CNBD1: variants seen among roughly 807,000 people sequenced by gnomAD.
The protein encoded by CNBD1 is cyclic nucleotide-binding domain-containing protein 1.
In CNBD1, 71 loss-of-function variants were observed where a neutral mutation model predicts 54.4. The observed-to-expected ratio is 1.30, with a 90% confidence interval of 1.08 to 1.59. The LOEUF is 1.59. Ranked by LOEUF, CNBD1 falls within the 40% of genes most tolerant of loss-of-function variation. The probability of loss-of-function intolerance (pLI) is 0.00; values close to 1 mark genes in which losing one functional copy is unlikely to be tolerated. For missense variants in CNBD1, 659 were observed against 518.0 expected, an observed-to-expected ratio of 1.27 and a Z score of -2.64; for synonymous variants, 182 against 170.7, an observed-to-expected ratio of 1.07 and a Z score of -0.51.
chr8:86,984,415 A>G (rs1339656528), intron 4 of CNBD1, among the ~76,000 whole-genome samples: 1 of 152,122 alleles, frequency 6.6e-6, no homozygotes, highest in Non-Finnish European at 1.5e-5. Context: ...AATCTAGTGG[A>G]GCTGTGAGAA....
intron 2 of CNBD1, among the ~76,000 whole-genome samples, chr8:87,422,803 C>T (rs904839219): frequency 3.3e-5 from 5 of 152,142 alleles, no homozygotes; most frequent in African/African-American, 9.7e-5. Context: ...TTTCCCAATT[C>T]TGTGAAGAAA....
intron 4 of CNBD1, among the ~76,000 whole-genome samples, chr8:87,107,451 C>T (rs759788852): frequency 1.3e-4 from 20 of 152,274 alleles, no homozygotes; most frequent in Non-Finnish European, 2.5e-4. Context: ...TTAAATAAGA[C>T]GTCCTCAGAG....
chr8:87,349,127 T>C (rs894546282), intron 8 of CNBD1, among the ~76,000 whole-genome samples: 12 of 152,182 alleles, frequency 7.9e-5, no homozygotes, highest in Non-Finnish European at 1.6e-4. Context: ...TGATTAAGTC[T>C]TTTCATTTAA....
chr8:87,093,823 T>C (rs979909043), intron 4 of CNBD1, among the ~76,000 whole-genome samples: 1 of 152,166 alleles, frequency 6.6e-6, no homozygotes, highest in African/African-American at 2.4e-5. Context: ...TATGTCTCAG[T>C]TTGAATGTAG....
At chr8:87,268,500 T>C (rs1808305487) in intron 6 of CNBD1, among the ~76,000 whole-genome samples, 1 of 152,116 alleles carries the variant, frequency 6.6e-6, no homozygotes, top group African/African-American at 2.4e-5. Context: ...ATAGTGGTTC[T>C]GTTTTAAGTT....
At chr8:87,364,170 T>G (rs1188794385) in intron 10 of CNBD1, among the ~76,000 whole-genome samples, 1 of 151,718 alleles carries the variant, frequency 6.6e-6, no homozygotes, top group East Asian at 1.9e-4. Context: ...AAATTAATTT[T>G]TACTTGGAGA....
chr8:86,931,096 A>G (rs1436377265), intron 3 of CNBD1, among the ~76,000 whole-genome samples: 2 of 152,168 alleles, frequency 1.3e-5, no homozygotes, highest in African/African-American at 4.8e-5. Context: ...CAGGCATAAC[A>G]AGAAAGGCAT....
At chr8:87,388,451 C>T (rs1288360907) in intron 2 of CNBD1, among the ~76,000 whole-genome samples, 1 of 151,992 alleles carries the variant, frequency 6.6e-6, no homozygotes, top group Non-Finnish European at 1.5e-5. Flanking sequence ...TACAAACTAC[C>T]ATCAGAGAAT....
intron 6 of CNBD1, among the ~76,000 whole-genome samples, chr8:87,271,653 G>T (rs1016755409): frequency 6.6e-6 from 1 of 151,968 alleles, no homozygotes; most frequent in African/African-American, 2.4e-5. Context: ...GTACACTGTT[G>T]ATGAGAATGT....
At chr8:87,307,491 A>G (rs117328091) in intron 8 of CNBD1, among the ~76,000 whole-genome samples, 15,116 of 152,226 alleles carry the variant, frequency 0.099, 771 homozygotes, top group African/African-American at 0.11. Context: ...TAATCCCAGC[A>G]TGTTTGGAGG....
At chr8:87,129,320 T>C (rs1318868117) in intron 4 of CNBD1, among the ~76,000 whole-genome samples, 3 of 152,088 alleles carry the variant, frequency 2.0e-5, no homozygotes, top group Non-Finnish European at 4.4e-5. Flanking sequence ...GGAAGATCTT[T>C]AGCTACAAGT....
At chr8:87,210,781 C>T (rs1273911132) in intron 5 of CNBD1, among the ~76,000 whole-genome samples, 1 of 152,142 alleles carries the variant, frequency 6.6e-6, no homozygotes, top group African/African-American at 2.4e-5. Context: ...AAGCCTGCTA[C>T]AGGAGTAGAG....
chr8:87,199,740 C>A (rs1376568056), intron 4 of CNBD1, among the ~76,000 whole-genome samples: 1 of 152,176 alleles, frequency 6.6e-6, no homozygotes, highest in Admixed American at 6.6e-5. Context: ...GTTTTACACA[C>A]CAAATTGTCA....
intron 2 of CNBD1, among the ~76,000 whole-genome samples, chr8:86,898,227 A>G (rs1221785659): frequency 1.3e-5 from 2 of 152,194 alleles, no homozygotes; most frequent in East Asian, 3.8e-4. Flanking sequence ...AAAAAGATTA[A>G]AAGAATATTC....
At chr8:87,246,342 G>A (rs1807804057) in intron 6 of CNBD1, among the ~76,000 whole-genome samples, 1 of 152,100 alleles carries the variant, frequency 6.6e-6, no homozygotes, top group Non-Finnish European at 1.5e-5. Context: ...CCAAATGGAT[G>A]ATGCCAATAA....
At chr8:87,414,219 G>A (rs1056580101) in intron 2 of CNBD1, among the ~76,000 whole-genome samples, 1 of 152,222 alleles carries the variant, frequency 6.6e-6, no homozygotes, top group East Asian at 1.9e-4. Flanking sequence ...CATGTCCTTT[G>A]TAGGGACATG....
intron 4 of CNBD1, among the ~76,000 whole-genome samples, chr8:86,979,402 C>CCA (rs1808417350): frequency 9.6e-5 from 1 of 10,392 alleles, no homozygotes; most frequent in Admixed American, 2.0e-3. Flanking sequence ...ATCATCTCTA[C>CCA]AAAAAAAAAA....
At chr8:87,282,334 C>A (rs1808616223) in intron 6 of CNBD1, among the ~76,000 whole-genome samples, 1 of 151,556 alleles carries the variant, frequency 6.6e-6, no homozygotes, top group Admixed American at 6.6e-5. Context: ...ATCAATAATG[C>A]TATTTACATT....
intron 10 of CNBD1, among the ~76,000 whole-genome samples, chr8:87,364,467 G>A (rs1194318663): frequency 6.7e-6 from 1 of 148,678 alleles, no homozygotes; most frequent in Non-Finnish European, 1.5e-5. Flanking sequence ...AATCCAATTT[G>A]TCTTTTTATT....
Sources: allele counts gnomAD v4.1 joint callset (sites outside exome capture counted in the v4.1 genomes callset), GRCh38; gene constraint gnomAD v4.1.1; transcripts MANE v1.5; gene names NCBI Gene and HGNC (gene_info 2026-07-23, HGNC 2026-07-21).